Variants in RFC1 observed in about 807,000 individuals in gnomAD.
The protein encoded by RFC1 is A1 140 kDa subunit.
In RFC1, 37 loss-of-function variants were observed where a neutral mutation model predicts 137.4. The ratio of observed to expected loss-of-function variants is 0.27; its 90% CI spans 0.21 to 0.35. The LOEUF (loss-of-function observed/expected upper bound fraction) is 0.35. Among genes scored for constraint, RFC1 ranks in the 10% least tolerant of loss-of-function variants. The probability of loss-of-function intolerance (pLI) is 1.00; values close to 1 mark genes in which losing one functional copy is unlikely to be tolerated. For missense variants in RFC1, 1,205 were observed against 1,358.5 expected (o/e 0.89, Z 1.78); for synonymous variants, 429 against 455.7 (o/e 0.94, Z 0.75).
chr4:39,317,050 CAA>C lies in RFC1; in HGVS notation c.1096-30_1096-29del, dbSNP rs757084868. The C allele has an allele frequency of 1.2e-4, 172 of 1,409,092 alleles. 1 individual carries two copies. The highest frequency in any genetic ancestry group is 7.8e-4 in the East Asian group (34 of 43,806). 87.3% of individuals were successfully genotyped at this position (1,409,092 alleles called of 1,614,324 possible). A position where few individuals can be genotyped will look rare whatever the true frequency, so the allele number is the denominator to read the frequency against. On this transcript the variant is annotated intron_variant, in intron 9 of 24. Coordinates refer to ENST00000349703, the MANE Select transcript of RFC1 (RefSeq NM_002913.5). ...TTGGGAACAGGGAAAGGAAAATGAA[CAA>C]AGTCATACAGAATTCATGCAAAATT...
chr4:39,299,562 A>C (rs916448563), intron 21 of RFC1, among the ~76,000 whole-genome samples: 1 of 149,388 alleles, frequency 6.7e-6, no homozygotes, highest in Non-Finnish European at 1.5e-5. Context: ...GCAGTGAGCC[A>C]AGATCACGCC....
intron 3 of RFC1, 84 bp from the exon 4 acceptor site, chr4:39,342,551 A>G (rs1740659347): frequency 4.4e-6 from 6 of 1,353,156 alleles, no homozygotes; most frequent in Non-Finnish European, 6.1e-6. Flanking sequence ...CGGTGAACCA[A>G]TTCCTCAAGG....
Position 39,320,793 on chromosome 4 carries a change from A to C in RFC1, c.809-124T>G. The stretch of plus-strand genomic sequence containing the variant: ...ATACCCTGAAGGCCCAAAGTCCTAA[A>C]GTGTCAAGACCATCTGTTTATAGTA... On this transcript the variant is annotated intron_variant, in intron 8 of 24. Transcript: ENST00000349703. 3 of 825,096 alleles carry C rather than the reference A, an allele frequency of 3.6e-6. No individual in the cohort carries two copies. In the South Asian group the frequency reaches 6.9e-5, roughly 19 times the overall value. The allele number at this position is 825,096 out of a possible 1,614,324, so 51.1% of individuals were successfully genotyped here.
At chr4:39,366,182 C>A (rs1473596614) in intron 1 of RFC1, 57 bp downstream of exon 1, 14 of 1,544,016 alleles carry the variant, frequency 9.1e-6, no homozygotes, top group Non-Finnish European at 1.2e-5. Flanking sequence ...CCGGTCCACA[C>A]CAGGCCTGCA....
At position 39,302,961 on chromosome 4, in the gene RFC1, A is replaced by T. The variant is rs1224229360; in HGVS notation, c.2203-87T>A. ...TATTTTAGGTTCTAAAAATCTCCTC[A>T]GCAACATGCCTTAACTGCCCTAAGT... On this transcript the variant is annotated intron_variant, in intron 16 of 24. Transcript: ENST00000349703. 8 of 1,479,862 alleles carry T rather than the reference A, an allele frequency of 5.4e-6. No individual in the cohort carries two copies. In the Admixed American group the frequency reaches 1.4e-4, roughly 25 times the overall value. 91.7% of individuals were successfully genotyped at this position (1,479,862 alleles called of 1,614,324 possible). A position where few individuals can be genotyped will look rare whatever the true frequency, so the allele number is the denominator to read the frequency against.
intron 6 of RFC1, among the ~76,000 whole-genome samples, chr4:39,326,069 G>A (rs928454956): frequency 2.0e-5 from 3 of 152,076 alleles, no homozygotes; most frequent in Non-Finnish European, 4.4e-5. Context: ...GCGTAGTGGT[G>A]GGCGCCTGTA....
intron 23 of RFC1, 94 bp from the exon 24 acceptor site, chr4:39,290,133 G>C: frequency 2.5e-6 from 2 of 795,956 alleles, no homozygotes; most frequent in Non-Finnish European, 4.1e-6. Flanking sequence ...GGAGCCCCCT[G>C]CAACTGTTTG....
chr4:39,338,162 T>G (rs975195626), intron 4 of RFC1, among the ~76,000 whole-genome samples: 1 of 152,220 alleles, frequency 6.6e-6, no homozygotes, highest in Non-Finnish European at 1.5e-5. Flanking sequence ...ATAAAGATAT[T>G]TATAAGCAGT....
intron 19 of RFC1, among the ~76,000 whole-genome samples, 184 bp from the exon 20 acceptor site, chr4:39,300,598 G>A (rs1005757155): frequency 2.0e-5 from 3 of 152,130 alleles, no homozygotes; most frequent in Non-Finnish European, 2.9e-5. Context: ...CAGCAACCAC[G>A]CTTCTTGGTA....
At chr4:39,296,101 T>C (rs1351896312) in intron 21 of RFC1, among the ~76,000 whole-genome samples, 1 of 152,172 alleles carries the variant, frequency 6.6e-6, no homozygotes, top group Non-Finnish European at 1.5e-5. Flanking sequence ...TATGATGGTC[T>C]TTAACATAAA....
chr4:39,308,623 G>A lies in RFC1; in HGVS notation c.1885+13C>T, dbSNP rs772186258. 2 of 1,603,102 alleles carry A rather than the reference G, an allele frequency of 1.2e-6. No individual in the cohort carries two copies. The highest frequency in any genetic ancestry group is 1.7e-6 in the Non-Finnish European group (2 of 1,173,082). On this transcript the variant is annotated intron_variant, in intron 13 of 24. Coordinates refer to ENST00000349703, the MANE Select transcript of RFC1 (RefSeq NM_002913.5). Reference sequence around the variant, plus strand: ...ATACACACACACAAAAATGAGTGAGGTTGTAAAATCACCGTGTTTTTTATC... The same window carrying A: ...ATACACACACACAAAAATGAGTGAGATTGTAAAATCACCGTGTTTTTTATC...
chr4:39,312,225 T>A (rs1261707188), intron 11 of RFC1, among the ~76,000 whole-genome samples: 1 of 152,142 alleles, frequency 6.6e-6, no homozygotes. Flanking sequence ...AGGACAAAAG[T>A]TAACACAATA....
At chr4:39,293,405 T>C (rs1221866769) in intron 22 of RFC1, among the ~76,000 whole-genome samples, 1 of 152,214 alleles carries the variant, frequency 6.6e-6, no homozygotes, top group Non-Finnish European at 1.5e-5. Flanking sequence ...AGTGTTTTCT[T>C]TGTGGATCTG....
At position 39,316,951 on chromosome 4, in the gene RFC1, T is replaced by G. The variant is rs552225009; in HGVS notation, c.1167A>C (p.Glu389Asp). Residue 389 changes from glutamate to aspartate, a missense_variant, in exon 10 of 25, where the codon GAA (glutamate) becomes GAC (aspartate). This residue lies in a region of RFC1 where 962 missense variants were observed against 1,035.3 expected (regional missense o/e 0.93). Transcript: ENST00000349703. ...YQAYRSYLNR[E>D]GPKALGSKEI... ...CTTTGGAGCCCAGAGCCTTGGGACC[T>G]TCTCGATTTAAGTAGCTTCGATAAG... is the stretch of plus-strand genomic sequence containing the variant. The G allele has an allele frequency of 3.7e-5, 60 of 1,614,052 alleles. No individual in the cohort carries two copies. The South Asian group carries it at 6.1e-4, about 17-fold the overall frequency.
chr4:39,315,618 C>T (rs1370504470), intron 10 of RFC1, among the ~76,000 whole-genome samples: 1 of 152,208 alleles, frequency 6.6e-6, no homozygotes, highest in Non-Finnish European at 1.5e-5. Flanking sequence ...AACTCATTAT[C>T]ATCTCCCCAA....
chr4:39,304,978 C>T (rs748429331), intron 14 of RFC1, 50 bp from the exon 15 acceptor site: 7 of 1,038,034 alleles, frequency 6.7e-6, no homozygotes, highest in South Asian at 6.3e-5. Context: ...ATTAACTCCA[C>T]CACCCCCGCC....
At chr4:39,295,807 T>C (rs771212722) in intron 21 of RFC1, 48 bp from the exon 22 acceptor site, 46 of 1,561,584 alleles carry the variant, frequency 2.9e-5, no homozygotes, top group Non-Finnish European at 2.6e-6. Context: ...CGTACAAAGT[T>C]ACTTCCTTAA....
chr4:39,337,984 AAAC>A (rs1449371347), intron 4 of RFC1, among the ~76,000 whole-genome samples: 3 of 152,364 alleles, frequency 2.0e-5, no homozygotes, highest in African/African-American at 7.2e-5. Flanking sequence ...ATTTTCGATC[AAAC>A]AACAGGCCCT....
intron 14 of RFC1, 125 bp downstream of exon 14, chr4:39,306,467 A>C: frequency 1.8e-6 from 1 of 559,998 alleles, no homozygotes; most frequent in Non-Finnish European, 3.2e-6. Flanking sequence ...TAGAAAAATA[A>C]ACACAGTTTA....
Sources: allele counts gnomAD v4.1 joint callset (sites outside exome capture counted in the v4.1 genomes callset), GRCh38; gene constraint gnomAD v4.1.1; regional missense constraint gnomAD v4.1.1; transcripts MANE v1.5; gene names NCBI Gene and HGNC (gene_info 2026-07-23, HGNC 2026-07-21).